Variants in UNC93A observed in about 807,000 individuals in gnomAD.
The protein encoded by UNC93A is unc-93 homolog A, also known as N-acetylglucosamine transporter UNC93A.
Under a neutral mutation model 47.5 loss-of-function variants are expected in UNC93A, and 43 were observed. That is an observed-to-expected ratio of 0.91 (90% CI 0.71 to 1.17). The LOEUF (loss-of-function observed/expected upper bound fraction) is 1.17, where lower values mean the gene tolerates loss of function less well. UNC93A is among the 50% of genes most tolerant of loss of function. The pLI is 0.00. For missense variants in UNC93A, 605 were observed against 577.6 expected, an observed-to-expected ratio of 1.05 and a Z score of -0.49; for synonymous variants, 280 against 258.0, an observed-to-expected ratio of 1.09 and a Z score of -0.82.
In UNC93A at chr6:167,293,935, G is replaced by A. The variant is rs970676751; in HGVS notation, c.88-582G>A. 2.0e-5 allele frequency among the ~76,000 whole-genome samples: 3 copies of A among 152,326 alleles called. No individual in the cohort carries two copies. The South Asian group carries it at 6.2e-4, about 32-fold the overall frequency. On this transcript the variant is annotated intron_variant, in intron 1 of 7. Transcript: ENST00000230256. ...CTCGTGGCGGTGTGTGCCTGCCCGG[G>A]TTGTCTCCACCAGTGGTGGCGGCCT...
intron 1 of UNC93A, among the ~76,000 whole-genome samples, chr6:167,276,693 C>G (rs922730178): frequency 3.3e-5 from 5 of 152,176 alleles, no homozygotes; most frequent in African/African-American, 4.8e-5. Flanking sequence ...TATTCCAGGA[C>G]TCTTCCATGT....
At chr6:167,311,955 T>G (rs991877662) in intron 7 of UNC93A, among the ~76,000 whole-genome samples, 1 of 149,608 alleles carries the variant, frequency 6.7e-6, no homozygotes, top group Admixed American at 6.6e-5. Flanking sequence ...GGACAGCCTT[T>G]ATTTGGGTTC....
At chr6:167,301,273 C>A (rs890428811) in intron 4 of UNC93A, among the ~76,000 whole-genome samples, 3 of 152,226 alleles carry the variant, frequency 2.0e-5, no homozygotes, top group Non-Finnish European at 4.4e-5. Context: ...TTCACGGAAT[C>A]CCGCAGCCTA....
upstream of UNC93A, among the ~76,000 whole-genome samples, chr6:167,270,057 T>TGGGGGGGGGGGGGGGGGGGGGG (rs1241243553): frequency 2.6e-4 from 1 of 3,866 alleles, no homozygotes; most frequent in African/African-American, 1.4e-3. Flanking sequence ...GGGGTGGGGG[T>TGGGGGGGGGGGGGGGGGGGGGG]GGGGGTGGGG....
Position 167,294,746 on chromosome 6 carries a change from G to A in UNC93A, c.269+48G>A, listed in dbSNP as rs201423423. On this transcript the variant is annotated intron_variant, in intron 2 of 7. Coordinates refer to ENST00000230256, the MANE Select transcript of UNC93A (RefSeq NM_018974.4). The stretch of plus-strand genomic sequence containing the variant: ...CCACCCCACCCCGGCCGTTCCCCAC[G>A]CTAGGGACGTTCACTCTGCACATGA... 7.7e-4 allele frequency: 1,081 copies of A among 1,404,174 alleles called. 2 individuals carry two copies. The highest frequency in any genetic ancestry group is 1.0e-3 in the Middle Eastern group (5 of 4,970). The allele number at this position is 1,404,174 out of a possible 1,614,324, so 87.0% of individuals were successfully genotyped here. A position where few individuals can be genotyped will look rare whatever the true frequency, so the allele number is the denominator to read the frequency against.
At chr6:167,307,987 A>G in intron 7 of UNC93A, 77 bp downstream of exon 7, 1 of 1,573,774 alleles carries the variant, frequency 6.4e-7, no homozygotes, top group Non-Finnish European at 8.6e-7. Flanking sequence ...GGGGCTCATT[A>G]GATGCCAATG....
In UNC93A at chr6:167,303,923, T is replaced by C. The variant is rs901147211; in HGVS notation, c.630T>C (p.Ser210=). 2.5e-6 allele frequency: 4 copies of C among 1,612,964 alleles called. No individual in the cohort carries two copies. The Admixed American group carries it at 5.0e-5, about 20-fold the overall frequency. ...GCCTTTGCTATGTCCTTTCAGGGAG[T>C]GGTGTCCTGGCTGTCCTGATGATAG... ...VYTLLGIYTG[S]GVLAVLMIAA... The change falls in exon 5 of 8, where the codon AGT becomes AGC. Residue 210 remains serine, a synonymous_variant. Coordinates refer to ENST00000230256, the MANE Select transcript of UNC93A (RefSeq NM_018974.4).
intron 1 of UNC93A, among the ~76,000 whole-genome samples, chr6:167,285,938 T>TC (rs1783720274): frequency 3.8e-4 from 50 of 131,742 alleles, no homozygotes; most frequent in Non-Finnish European, 5.7e-4. Flanking sequence ...TTAGTTTTCT[T>TC]TCTCTCTCTC....
chr6:167,293,388 TG>T (rs1431839773), intron 1 of UNC93A, among the ~76,000 whole-genome samples: 1 of 152,088 alleles, frequency 6.6e-6, no homozygotes, highest in Non-Finnish European at 1.5e-5. Flanking sequence ...AGCTCCACCC[TG>T]GTTCGAGGCC....
intron 4 of UNC93A, among the ~76,000 whole-genome samples, chr6:167,303,626 T>C (rs1177452872): frequency 6.6e-6 from 1 of 152,124 alleles, no homozygotes; most frequent in Non-Finnish European, 1.5e-5. Flanking sequence ...CACTCAGAAC[T>C]TCTGGGGTCG....
intron 7 of UNC93A, among the ~76,000 whole-genome samples, chr6:167,314,212 C>T (rs962845414): frequency 3.4e-5 from 5 of 147,206 alleles, no homozygotes; most frequent in South Asian, 2.3e-4. Context: ...TTCGGCAAGA[C>T]GGTTCTTTCC....
chr6:167,309,401 CAA>C lies in UNC93A; in HGVS notation c.1108+1496_1108+1497del, dbSNP rs1224315466. Among the ~76,000 whole-genome samples, 1,286 of 151,948 alleles carry C rather than the reference CAA, an allele frequency of 8.5e-3. 17 individuals carry two copies. Among genetic ancestry groups the C allele is most frequent in the African/African-American group, 0.03 (1,229 of 41,350 alleles). ...CTTAGGGTAGGAACCCTGAATTTCC[CAA>C]AAAACCCCATCTAAGGCCCCGAGGG... On this transcript the variant is annotated intron_variant, in intron 7 of 7. Transcript: ENST00000230256.
intron 4 of UNC93A, among the ~76,000 whole-genome samples, chr6:167,300,295 A>G (rs542741280): frequency 1.8e-4 from 27 of 152,096 alleles, no homozygotes; most frequent in Non-Finnish European, 2.9e-4. Context: ...TGTTACAGAG[A>G]AGGGAGTATA....
At chr6:167,295,980 C>G (rs1310397368) in intron 2 of UNC93A, 52 bp from the exon 3 acceptor site, 1 of 1,544,966 alleles carries the variant, frequency 6.5e-7, no homozygotes, top group Non-Finnish European at 8.9e-7. Flanking sequence ...GACATGGGTG[C>G]AATGGGCTTG....
chr6:167,282,234 T>G (rs545321986), intron 1 of UNC93A, among the ~76,000 whole-genome samples: 2 of 152,164 alleles, frequency 1.3e-5, no homozygotes, highest in Admixed American at 6.5e-5. Flanking sequence ...TCTGTATCAT[T>G]CCAGGGGGTC....
intron 5 of UNC93A, among the ~76,000 whole-genome samples, chr6:167,305,467 G>T (rs1289038291): frequency 6.6e-6 from 1 of 152,146 alleles, no homozygotes; most frequent in Non-Finnish European, 1.5e-5. Context: ...GGTGCGGTGG[G>T]CATGAGACAC....
At chr6:167,299,128 A>AG in intron 4 of UNC93A, among the ~76,000 whole-genome samples, 1 of 108,568 alleles carries the variant, frequency 9.2e-6, no homozygotes, top group Non-Finnish European at 1.8e-5. Context: ...AAAAAAAAAA[A>AG]AATACACACA....
chr6:167,305,944 G>C lies in UNC93A; in HGVS notation c.870G>C (p.Gln290His), dbSNP rs756099878. 4.8e-5 allele frequency: 78 copies of C among 1,613,990 alleles called. No individual in the cohort carries two copies. The highest frequency in any genetic ancestry group is 6.4e-5 in the Non-Finnish European group (75 of 1,179,980). Residue 290 changes from glutamine (Q) to histidine (H), a missense_variant, in exon 6 of 8, where the codon CAG (glutamine) becomes CAC (histidine). Coordinates refer to ENST00000230256, the MANE Select transcript of UNC93A (RefSeq NM_018974.4). The part of the protein sequence containing the change: ...RSYVTCTLGI[Q>H]FVGYVMICFS... Reference sequence around the variant, plus strand: ...ATGTCACCTGCACCCTGGGCATCCAGTTCGTCGGCTACGTGATGATCTGCT... The same window carrying C: ...ATGTCACCTGCACCCTGGGCATCCACTTCGTCGGCTACGTGATGATCTGCT...
chr6:167,299,453 A>G (rs1778181034), intron 4 of UNC93A, among the ~76,000 whole-genome samples: 1 of 152,168 alleles, frequency 6.6e-6, no homozygotes, highest in African/African-American at 2.4e-5. Context: ...CTGAGTGAGC[A>G]CTTGTAAAGC....
Sources: allele counts gnomAD v4.1 joint callset (sites outside exome capture counted in the v4.1 genomes callset), GRCh38; gene constraint gnomAD v4.1.1; transcripts MANE v1.5; gene names NCBI Gene and HGNC (gene_info 2026-07-23, HGNC 2026-07-21).